TMEM108: variants seen among roughly 807,000 people sequenced by gnomAD.
TMEM108 encodes transmembrane protein 108.
A neutral mutation model predicts 35.1 loss-of-function variants in TMEM108; 12 were observed. That is an observed-to-expected ratio of 0.34 (90% CI 0.22 to 0.55). The LOEUF (loss-of-function observed/expected upper bound fraction) is 0.55. Ranked by LOEUF, TMEM108 falls within the 20% of genes least tolerant of loss-of-function variation. The pLI is 0.89. For missense variants in TMEM108, 680 were observed against 753.3 expected, an observed-to-expected ratio of 0.90 and a Z score of 1.14; for synonymous variants, 287 against 308.6, an observed-to-expected ratio of 0.93 and a Z score of 0.73.
chr3:133,257,191 T>C (rs1201692714), intron 3 of TMEM108: 1 of 152,216 alleles, frequency 6.6e-6, no homozygotes, highest in East Asian at 1.9e-4. Context: ...AGCACCTCTT[T>C]TACAACTCAG....
intron 2 of TMEM108, among the ~76,000 whole-genome samples, chr3:133,073,931 T>C (rs779404887): frequency 3.3e-5 from 5 of 152,112 alleles, no homozygotes; most frequent in African/African-American, 4.8e-5. Flanking sequence ...TTTTCATATT[T>C]GAAAAATATG....
At chr3:133,132,482 T>C (rs1944503953) in intron 2 of TMEM108, among the ~76,000 whole-genome samples, 1 of 152,200 alleles carries the variant, frequency 6.6e-6, no homozygotes, top group Admixed American at 6.5e-5. Context: ...GTTTATAGCA[T>C]GGTTTACTGA....
intron 3 of TMEM108, among the ~76,000 whole-genome samples, chr3:133,306,763 A>G (rs1452234642): frequency 6.6e-6 from 1 of 152,122 alleles, no homozygotes; most frequent in Non-Finnish European, 1.5e-5. Context: ...AATCCAGTCT[A>G]TCATTGATGG....
chr3:133,371,819 T>G (rs973072876), intron 3 of TMEM108, among the ~76,000 whole-genome samples: 2 of 152,138 alleles, frequency 1.3e-5, no homozygotes, highest in East Asian at 3.9e-4. Flanking sequence ...CGAATATGTC[T>G]TGTAGCCTAG....
At chr3:133,238,496 C>T (rs1176379121) in intron 3 of TMEM108, among the ~76,000 whole-genome samples, 3 of 152,134 alleles carry the variant, frequency 2.0e-5, no homozygotes, top group African/African-American at 7.2e-5. Flanking sequence ...AGATAAAATA[C>T]AGAATTATTT....
intron 4 of TMEM108, chr3:133,386,321 A>G (rs1037710959): frequency 7.5e-7 from 1 of 1,334,166 alleles, no homozygotes; most frequent in African/African-American, 1.5e-5. Context: ...AAGATTTGCA[A>G]TGCCTGCTCA....
chr3:133,184,083 C>T (rs1945386264), intron 2 of TMEM108, among the ~76,000 whole-genome samples: 1 of 152,154 alleles, frequency 6.6e-6, no homozygotes, highest in Non-Finnish European at 1.5e-5. Flanking sequence ...CCCCACCAGA[C>T]ACCGGGAGGA....
chr3:133,201,804 G>A (rs1250114831), intron 2 of TMEM108, among the ~76,000 whole-genome samples: 2 of 152,118 alleles, frequency 1.3e-5, no homozygotes, highest in Non-Finnish European at 2.9e-5. Context: ...ATAATACTGT[G>A]GGTATATACC....
intron 2 of TMEM108, among the ~76,000 whole-genome samples, chr3:133,127,494 G>A (rs1559840820): frequency 2.0e-5 from 3 of 152,168 alleles, no homozygotes; most frequent in South Asian, 4.2e-4. Context: ...GTTCTTAAAA[G>A]GAAGTTTCCA....
At chr3:133,058,747 TC>T (rs199818142) in intron 2 of TMEM108, among the ~76,000 whole-genome samples, 1 of 150,850 alleles carries the variant, frequency 6.6e-6, no homozygotes, top group African/African-American at 2.4e-5. Flanking sequence ...AATTTTTTTT[TC>T]CTCAATTACA....
At chr3:133,103,711 C>T (rs1259727911) in intron 2 of TMEM108, among the ~76,000 whole-genome samples, 2 of 152,182 alleles carry the variant, frequency 1.3e-5, no homozygotes, top group African/African-American at 4.8e-5. Flanking sequence ...CCTTCAGTAA[C>T]CAGTGCAACA....
chr3:133,039,688 C>T (rs1351939228), intron 1 of TMEM108, among the ~76,000 whole-genome samples: 1 of 152,176 alleles, frequency 6.6e-6, no homozygotes, highest in Non-Finnish European at 1.5e-5. Flanking sequence ...AATGGTTCAA[C>T]TAACTCATTA....
chr3:133,365,818 T>A (rs2072487117), intron 3 of TMEM108, among the ~76,000 whole-genome samples: 1 of 152,180 alleles, frequency 6.6e-6, no homozygotes, highest in South Asian at 2.1e-4. Context: ...AGCCTGCCTC[T>A]CCAGGGTCAT....
chr3:133,365,089 T>G (rs1011511857), intron 3 of TMEM108, among the ~76,000 whole-genome samples: 3 of 152,218 alleles, frequency 2.0e-5, no homozygotes, highest in African/African-American at 7.2e-5. Flanking sequence ...AAGGCAGCTT[T>G]CTTAATCTGA....
chr3:133,368,642 C>G (rs1367427749), intron 3 of TMEM108, among the ~76,000 whole-genome samples: 3 of 152,160 alleles, frequency 2.0e-5, no homozygotes, highest in African/African-American at 7.2e-5. Context: ...CACACACACA[C>G]ACACACCCTG....
At chr3:133,361,391 G>T (rs1318971129) in intron 3 of TMEM108, among the ~76,000 whole-genome samples, 1 of 152,198 alleles carries the variant, frequency 6.6e-6, no homozygotes, top group Non-Finnish European at 1.5e-5. Context: ...AGATAACTAT[G>T]ATCATAATAC....
At chr3:133,171,090 C>G (rs1945123625) in intron 2 of TMEM108, among the ~76,000 whole-genome samples, 1 of 152,152 alleles carries the variant, frequency 6.6e-6, no homozygotes, top group Non-Finnish European at 1.5e-5. Flanking sequence ...CCTAACTTCT[C>G]TCTCTGACAT....
At chr3:133,307,721 A>G (rs1400710525) in intron 3 of TMEM108, among the ~76,000 whole-genome samples, 2 of 152,034 alleles carry the variant, frequency 1.3e-5, no homozygotes, top group Middle Eastern at 3.2e-3. Flanking sequence ...GTTCTGTTCC[A>G]TCGGTCTGTA....
Position 133,134,684 on chromosome 3 carries a change from T to C in TMEM108, c.-47+88664T>C, listed in dbSNP as rs533735614. On this transcript the variant is annotated intron_variant, in intron 2 of 5. Transcript: ENST00000321871. Reference sequence around the variant, plus strand: ...TATTTTTGGCTACATGGATGAGCTGTAGAGTGGTGAAGTCAGTCTGGATTT... The same window carrying C: ...TATTTTTGGCTACATGGATGAGCTGCAGAGTGGTGAAGTCAGTCTGGATTT... Among the ~76,000 whole-genome samples the C allele has an allele frequency of 3.3e-5, 5 of 152,204 alleles. No individual in the cohort carries two copies. In the East Asian group the frequency reaches 9.6e-4, roughly 29 times the overall value.
Sources: gnomAD v4.1 joint callset for allele counts (sites outside exome capture counted in the v4.1 genomes callset) on GRCh38, gnomAD v4.1.1 for gene constraint, MANE v1.5 for transcripts, NCBI Gene and HGNC (gene_info 2026-07-23, HGNC 2026-07-21) for gene names.